ZFYVE9: variants seen among roughly 807,000 people sequenced by gnomAD.
ZFYVE9 encodes zinc finger FYVE domain-containing protein 9.
A neutral mutation model predicts 126.7 loss-of-function variants in ZFYVE9; 43 were observed. That is an observed-to-expected ratio of 0.34 (90% confidence interval 0.27 to 0.44). The LOEUF (loss-of-function observed/expected upper bound fraction) is 0.44, where lower values mean the gene tolerates loss of function less well. Ranked by LOEUF, ZFYVE9 falls within the 20% of genes least tolerant of loss-of-function variation. The pLI is 1.00. For missense variants in ZFYVE9, 1,476 were observed against 1,697.0 expected, an observed-to-expected ratio of 0.87 and a Z score of 2.29; for synonymous variants, 521 against 597.4, an observed-to-expected ratio of 0.87 and a Z score of 1.87.
At chr1:52,168,208 C>T (rs1279341888) in intron 1 of ZFYVE9, among the ~76,000 whole-genome samples, 5 of 146,124 alleles carry the variant, frequency 3.4e-5, no homozygotes, top group South Asian at 2.1e-4. Flanking sequence ...TCCTCCTCTT[C>T]GTCTTCTTTT....
intron 1 of ZFYVE9, among the ~76,000 whole-genome samples, chr1:52,201,110 C>G (rs574056267): frequency 6.6e-6 from 1 of 152,068 alleles, no homozygotes; most frequent in East Asian, 1.9e-4. Flanking sequence ...TCTTTCTGTT[C>G]GTGAACATGG....
Position 52,218,938 on chromosome 1 carries a change from T to C in ZFYVE9, c.-37+2464T>C, listed in dbSNP as rs577556976. ...GGGATAGGGTCAGTGGAGGTGGGGA[T>C]AGGAATAGAGAGAAGTACTGGGTTA... On this transcript the variant is annotated intron_variant, in intron 2 of 18. Transcript: ENST00000287727. 8.5e-5 allele frequency among the ~76,000 whole-genome samples: 13 copies of C among 152,114 alleles called. No homozygotes were observed. In the South Asian group the frequency reaches 2.7e-3, roughly 32 times the overall value.
At chr1:52,215,862 G>A (rs1645067396) in intron 1 of ZFYVE9, among the ~76,000 whole-genome samples, 1 of 152,134 alleles carries the variant, frequency 6.6e-6, no homozygotes, top group South Asian at 2.1e-4. Context: ...CTAAGCAGTT[G>A]GAGGAGGACT....
chr1:52,170,804 T>G (rs994251008), intron 1 of ZFYVE9, among the ~76,000 whole-genome samples: 2 of 152,172 alleles, frequency 1.3e-5, no homozygotes, highest in African/African-American at 4.8e-5. Context: ...TTTTATTCCC[T>G]TGTGGTCAGA....
intron 4 of ZFYVE9, among the ~76,000 whole-genome samples, chr1:52,262,391 A>G (rs1277582619): frequency 6.6e-6 from 1 of 152,218 alleles, no homozygotes; most frequent in Admixed American, 6.5e-5. Context: ...TAAAGTGCCT[A>G]GTAGTCATAT....
In ZFYVE9 at chr1:52,164,537, CATCT is replaced by C. The variant is rs201486707; in HGVS notation, c.-143+22151_-143+22154del. ...CCGACAATGAGTATATATCTTTATA[CATCT>C]ATCTATCTATCTATCTGTTTGCACC... is the stretch of plus-strand genomic sequence containing the variant. On this transcript the variant is annotated intron_variant, in intron 1 of 18. Coordinates refer to ENST00000287727, the MANE Select transcript of ZFYVE9 (RefSeq NM_004799.4). Among the ~76,000 whole-genome samples, 9 of 152,108 alleles carry C rather than the reference CATCT, an allele frequency of 5.9e-5. No individual in the cohort carries two copies. In the South Asian group the frequency reaches 6.2e-4, roughly 11 times the overall value.
chr1:52,327,914 C>T (rs1483601806), intron 13 of ZFYVE9, among the ~76,000 whole-genome samples: 2 of 150,820 alleles, frequency 1.3e-5, no homozygotes, highest in East Asian at 3.9e-4. Context: ...GCAGAGGCCG[C>T]AGTGAGCCAG....
chr1:52,331,730 C>T (rs1646342867), intron 13 of ZFYVE9, among the ~76,000 whole-genome samples: 1 of 146,734 alleles, frequency 6.8e-6, no homozygotes, highest in African/African-American at 2.5e-5. Flanking sequence ...CCAGCTTGGG[C>T]AACAGAGAGA....
chr1:52,201,369 T>G (rs1330152780), intron 1 of ZFYVE9, among the ~76,000 whole-genome samples: 1 of 139,108 alleles, frequency 7.2e-6, no homozygotes, highest in African/African-American at 2.5e-5. Flanking sequence ...GGAGGGTTTT[T>G]GGTAATTTTT....
At chr1:52,229,708 C>T (rs1047619418) in intron 2 of ZFYVE9, among the ~76,000 whole-genome samples, 11 of 152,082 alleles carry the variant, frequency 7.2e-5, no homozygotes, top group African/African-American at 1.7e-4. Context: ...CTTGTGGTGC[C>T]TACAGTCTGG....
intron 1 of ZFYVE9, among the ~76,000 whole-genome samples, chr1:52,207,319 G>A (rs896378635): frequency 3.3e-5 from 5 of 152,140 alleles, no homozygotes; most frequent in African/African-American, 9.7e-5. Flanking sequence ...TATTTGATAC[G>A]TCTGTTATCA....
chr1:52,269,687 G>C (rs1204873949), intron 7 of ZFYVE9, among the ~76,000 whole-genome samples: 7 of 152,084 alleles, frequency 4.6e-5, no homozygotes, highest in Non-Finnish European at 1.0e-4. Context: ...GGCTGCAGAG[G>C]GTGACAGCCA....
chr1:52,344,699 A>T (rs746921436), intron 17 of ZFYVE9, 69 bp from the exon 18 acceptor site: 5 of 1,522,670 alleles, frequency 3.3e-6, no homozygotes, highest in Non-Finnish European at 4.5e-6. Flanking sequence ...GTGCTCATAT[A>T]CAGTGAGCTA....
At chr1:52,319,058 C>T in intron 13 of ZFYVE9, among the ~76,000 whole-genome samples, 1 of 152,116 alleles carries the variant, frequency 6.6e-6, no homozygotes, top group East Asian at 1.9e-4. Context: ...GATTGTGTCA[C>T]TGCACTTCAC....
intron 1 of ZFYVE9, chr1:52,162,473 C>T (rs1256667157): frequency 2.0e-5 from 5 of 252,776 alleles, no homozygotes; most frequent in Non-Finnish European, 4.1e-5. Context: ...TATCATCCAG[C>T]TCCTTTCTGT....
At chr1:52,301,719 A>C (rs1646037251) in intron 12 of ZFYVE9, among the ~76,000 whole-genome samples, 1 of 152,154 alleles carries the variant, frequency 6.6e-6, no homozygotes, top group Admixed American at 6.5e-5. Flanking sequence ...AGCTTTTTGA[A>C]TCTATGGGTT....
intron 2 of ZFYVE9, among the ~76,000 whole-genome samples, chr1:52,227,617 A>G (rs1645182076): frequency 6.6e-6 from 1 of 152,240 alleles, no homozygotes; most frequent in African/African-American, 2.4e-5. Context: ...TTTAAAGTTA[A>G]AAACACTGTT....
At chr1:52,322,871 C>A (rs1308261776) in intron 13 of ZFYVE9, among the ~76,000 whole-genome samples, 1 of 152,150 alleles carries the variant, frequency 6.6e-6, no homozygotes, top group Non-Finnish European at 1.5e-5. Flanking sequence ...GTGGCGCGAT[C>A]TCAGCTCACT....
At chr1:52,297,219 T>A (rs1184663610) in intron 12 of ZFYVE9, among the ~76,000 whole-genome samples, 1 of 151,486 alleles carries the variant, frequency 6.6e-6, no homozygotes, top group African/African-American at 2.4e-5. Flanking sequence ...CAAAGTTCAG[T>A]AGTTTTCATG....
Sources: gnomAD v4.1 joint callset for allele counts (sites outside exome capture counted in the v4.1 genomes callset) on GRCh38, gnomAD v4.1.1 for gene constraint, MANE v1.5 for transcripts, NCBI Gene and HGNC (gene_info 2026-07-23, HGNC 2026-07-21) for gene names.